LTBP1: variants seen among roughly 807,000 people sequenced by gnomAD.
The protein encoded by LTBP1 is latent-transforming growth factor beta-binding protein 1.
In LTBP1, 129 loss-of-function variants were observed where a neutral mutation model predicts 207.6. The ratio of observed to expected loss-of-function variants is 0.62; its 90% CI spans 0.54 to 0.72. The LOEUF (loss-of-function observed/expected upper bound fraction) is 0.72. Ranked by LOEUF, LTBP1 falls within the 30% of genes least tolerant of loss-of-function variation. LTBP1 has a pLI of 0.00. For missense variants in LTBP1, 2,281 were observed against 2,217.2 expected, an observed-to-expected ratio of 1.03 and a Z score of -0.58; for synonymous variants, 963 against 833.7, an observed-to-expected ratio of 1.16 and a Z score of -2.67.
At position 33,252,746 on chromosome 2, in the gene LTBP1, T is replaced by G. The variant is rs1200168719; in HGVS notation, c.2069T>G (p.Met690Arg). The part of the protein sequence containing the change: ...YRLVSSGRQC[M>R]HPLSVHLTKQ... Reference sequence around the variant, plus strand: ...CTTGTCAGTTCTGGAAGACAGTGTATGCACCCTCTGTCTGTTCACCTCACC... The same window carrying G: ...CTTGTCAGTTCTGGAAGACAGTGTAGGCACCCTCTGTCTGTTCACCTCACC... The change falls in exon 11 of 34, where the codon ATG becomes AGG. Residue 690 changes from methionine (M) to arginine (R), a missense_variant. Physicochemically the swap from Met to Arg is moderately conservative, Grantham distance 91 (BLOSUM62 -1). Around this residue, in one of 3 missense-constraint regions of LTBP1, gnomAD observed 1,671 missense variants for 1,634.8 expected, o/e 1.02. Coordinates refer to ENST00000404816, the MANE Select transcript of LTBP1 (RefSeq NM_206943.4). 4 of 1,614,126 alleles carry G rather than the reference T, an allele frequency of 2.5e-6. No individual in the cohort carries two copies. In the Admixed American group the frequency reaches 6.7e-5, roughly 27 times the overall value.
intron 2 of LTBP1, among the ~76,000 whole-genome samples, chr2:33,017,656 G>A (rs1489687375): frequency 6.6e-6 from 1 of 152,064 alleles, no homozygotes; most frequent in Non-Finnish European, 1.5e-5. Flanking sequence ...TTGCTCTGTC[G>A]CCCAGGCTGG....
chr2:33,242,347 T>C (rs562300949), intron 9 of LTBP1, among the ~76,000 whole-genome samples: 32 of 152,312 alleles, frequency 2.1e-4, no homozygotes, highest in African/African-American at 6.7e-4. Flanking sequence ...CATTTATATC[T>C]CTCCTCTTTC....
At chr2:33,005,465 GA>G (rs1456616704) in intron 2 of LTBP1, among the ~76,000 whole-genome samples, 1 of 152,140 alleles carries the variant, frequency 6.6e-6, no homozygotes, top group Non-Finnish European at 1.5e-5. Flanking sequence ...TCCCAAGAAG[GA>G]AGAAGTGTTG....
chr2:33,105,603 T>C (rs2080023157), intron 3 of LTBP1, among the ~76,000 whole-genome samples: 1 of 152,106 alleles, frequency 6.6e-6, no homozygotes, highest in Non-Finnish European at 1.5e-5. Context: ...TGGCTAATTT[T>C]TGTATTTTTA....
At chr2:33,299,543 G>A (rs1415540915) in intron 20 of LTBP1, among the ~76,000 whole-genome samples, 1 of 152,144 alleles carries the variant, frequency 6.6e-6, no homozygotes, top group Non-Finnish European at 1.5e-5. Flanking sequence ...AACCTGTCAT[G>A]TAGGTGATGA....
chr2:33,031,665 C>G (rs1259880699), intron 3 of LTBP1, among the ~76,000 whole-genome samples: 5 of 152,094 alleles, frequency 3.3e-5, no homozygotes, highest in African/African-American at 1.2e-4. Flanking sequence ...GAGAGTCTGG[C>G]CTTTAAATAA....
chr2:32,979,070 T>C (rs981441032), intron 2 of LTBP1, among the ~76,000 whole-genome samples: 8 of 151,856 alleles, frequency 5.3e-5, no homozygotes, highest in South Asian at 2.1e-4. Flanking sequence ...TTTGATTTTA[T>C]TTATTTGGGT....
intron 24 of LTBP1, among the ~76,000 whole-genome samples, chr2:33,342,195 C>T (rs1001255949): frequency 3.3e-5 from 5 of 152,214 alleles, no homozygotes; most frequent in African/African-American, 1.2e-4. Flanking sequence ...ACTCTCATCA[C>T]GTTTATGGAG....
intron 10 of LTBP1, among the ~76,000 whole-genome samples, chr2:33,246,384 C>A (rs550600849): frequency 4.6e-5 from 7 of 152,190 alleles, no homozygotes; most frequent in Non-Finnish European, 8.8e-5. Context: ...AAGGGTGATA[C>A]TTACAGAGTA....
intron 2 of LTBP1, among the ~76,000 whole-genome samples, chr2:32,981,467 G>C (rs1682753765): frequency 6.6e-6 from 1 of 152,120 alleles, no homozygotes; most frequent in South Asian, 2.1e-4. Context: ...TCACTTTTCT[G>C]ATGGATCTAT....
At chr2:33,030,280 C>G (rs72791775) in intron 3 of LTBP1, among the ~76,000 whole-genome samples, 2,640 of 152,268 alleles carry the variant, frequency 0.017, 36 homozygotes, top group Non-Finnish European at 0.027. Context: ...ATGCACTTCA[C>G]TCCAAGAAAA....
At chr2:33,040,220 G>C (rs572374193) in intron 3 of LTBP1, among the ~76,000 whole-genome samples, 2 of 152,270 alleles carry the variant, frequency 1.3e-5, no homozygotes, top group Non-Finnish European at 2.9e-5. Context: ...GGAGAGGGCT[G>C]CTCAGAGAGA....
chr2:33,294,869 G>T (rs572303506), intron 20 of LTBP1, among the ~76,000 whole-genome samples: 44 of 151,542 alleles, frequency 2.9e-4, no homozygotes, highest in African/African-American at 9.9e-4. Flanking sequence ...GAGCCACCAC[G>T]CCTGGCAAAA....
intron 7 of LTBP1, among the ~76,000 whole-genome samples, chr2:33,200,984 C>T (rs1242912360): frequency 6.6e-6 from 1 of 152,156 alleles, no homozygotes; most frequent in East Asian, 1.9e-4. Flanking sequence ...ACAACAGGTG[C>T]TGGAGAGGAT....
chr2:33,019,887 T>C (rs964198107), intron 2 of LTBP1, among the ~76,000 whole-genome samples: 1 of 151,180 alleles, frequency 6.6e-6, no homozygotes, highest in Non-Finnish European at 1.5e-5. Flanking sequence ...TTTTTTTTTT[T>C]TTTTTTGGTA....
intron 26 of LTBP1, 106 bp downstream of exon 26, chr2:33,347,616 T>A: frequency 7.4e-7 from 1 of 1,346,116 alleles, no homozygotes; most frequent in Non-Finnish European, 1.0e-6. Flanking sequence ...AGCAGCCAGA[T>A]GTCCTGACAC....
At chr2:33,316,948 G>C (rs532834119) in intron 24 of LTBP1, among the ~76,000 whole-genome samples, 1 of 152,052 alleles carries the variant, frequency 6.6e-6, no homozygotes, top group Non-Finnish European at 1.5e-5. Flanking sequence ...ACTACTGATG[G>C]TTGTGCCATG....
chr2:33,148,616 C>G (rs1333302779), intron 5 of LTBP1, among the ~76,000 whole-genome samples: 1 of 152,220 alleles, frequency 6.6e-6, no homozygotes, highest in East Asian at 1.9e-4. Context: ...TACCTAGCTT[C>G]TTTCTCTTAT....
chr2:33,334,352 C>G (rs553911231), intron 24 of LTBP1, among the ~76,000 whole-genome samples: 26 of 152,210 alleles, frequency 1.7e-4, no homozygotes, highest in Admixed American at 5.9e-4. Flanking sequence ...GAGGTTTAAG[C>G]AGAGAACTAT....
Sources: gnomAD v4.1 joint callset for allele counts (sites outside exome capture counted in the v4.1 genomes callset) on GRCh38, gnomAD v4.1.1 for gene constraint, gnomAD v4.1.1 regional missense constraint, MANE v1.5 for transcripts, NCBI Gene and HGNC (gene_info 2026-07-23, HGNC 2026-07-21) for gene names.